The following CDK10 variants were observed in gnomAD, a reference collection of about 807,000 sequenced individuals.
CDK10 encodes the protein cyclin-dependent kinase 10.
In CDK10, 55 loss-of-function variants were observed where a neutral mutation model predicts 51.0. That is an observed-to-expected ratio of 1.08 (90% confidence interval 0.87 to 1.35). The LOEUF (loss-of-function observed/expected upper bound fraction) is 1.35. Ranked by LOEUF, CDK10 falls within the 40% of genes most tolerant of loss-of-function variation. The probability of loss-of-function intolerance (pLI) is 0.00; values close to 1 mark genes in which losing one functional copy is unlikely to be tolerated. For synonymous variants in CDK10, 255 were observed against 199.1 expected (o/e 1.28, Z -2.36); for missense variants, 589 against 485.1 (o/e 1.21, Z -2.01).
Position 89,690,644 on chromosome 16 carries a change from G to A in CDK10, c.232+20G>A. ...AGGATGGTGAGCAGGAAATTGGGGT[G>A]TTGGGACCTCGCACTGGGAGGAGGC... On this transcript the variant is annotated intron_variant, in intron 3 of 12. Coordinates refer to ENST00000353379, the MANE Select transcript of CDK10 (RefSeq NM_052988.5). The A allele has an allele frequency of 6.2e-7, 1 of 1,604,110 alleles. No homozygotes were observed. Among genetic ancestry groups the A allele is most frequent in the Non-Finnish European group, 8.5e-7 (1 of 1,170,880 alleles).
intron 3 of CDK10, 109 bp downstream of exon 3, chr16:89,690,733 G>A: frequency 1.1e-6 from 1 of 945,732 alleles, no homozygotes; most frequent in Non-Finnish European, 1.7e-6. Context: ...GCGGGGGCCG[G>A]CCTCTGGGAG....
chr16:89,692,160 A>C (rs1440385950), intron 5 of CDK10: 3 of 551,880 alleles, frequency 5.4e-6, no homozygotes. Context: ...TTCTGAGGGC[A>C]CTGGTTTCCT....
At chr16:89,694,044 G>C in intron 8 of CDK10, 129 bp from the exon 9 acceptor site, 2 of 860,970 alleles carry the variant, frequency 2.3e-6, no homozygotes, top group Non-Finnish European at 3.9e-6. Flanking sequence ...GCAGGGCCTG[G>C]GGCAGAGGGT....
At chr16:89,688,936 A>G (rs1057022069) in intron 1 of CDK10, among the ~76,000 whole-genome samples, 11 of 152,268 alleles carry the variant, frequency 7.2e-5, no homozygotes, top group Admixed American at 5.9e-4. Context: ...CCCAGTCTCT[A>G]CTAAAAATAG....
chr16:89,693,310 G>A lies in CDK10; in HGVS notation c.522G>A (p.Lys174=). 2 of 1,614,160 alleles carry A rather than the reference G, an allele frequency of 1.2e-6. No homozygotes were observed. The highest frequency in any genetic ancestry group is 8.5e-7 in the Non-Finnish European group (1 of 1,180,032). Residue 174 remains lysine (K), a synonymous_variant, in exon 7 of 13, where the codon AAG becomes AAA. Transcript: ENST00000353379. Reference sequence around the variant, plus strand: ...TTTCCAACTTGCTCATGACCGACAAGGGTTGTGTGAAGACAGGTGGGTGCA... The same window carrying A: ...TTTCCAACTTGCTCATGACCGACAAAGGTTGTGTGAAGACAGGTGGGTGCA... ...LKVSNLLMTD[K]GCVKTADFGL...
intron 8 of CDK10, 36 bp from the exon 9 acceptor site, chr16:89,694,137 A>G (rs770870597): frequency 1.3e-6 from 2 of 1,599,056 alleles, no homozygotes; most frequent in Non-Finnish European, 1.7e-6. Flanking sequence ...GGGGGAGAGG[A>G]GCCGGCTGTA....
chr16:89,686,714 G>A lies in CDK10; in HGVS notation c.4G>A (p.Ala2Thr), dbSNP rs372094248. The change falls in exon 1 of 13, where the codon GCG becomes ACG. Residue 2 changes from alanine (A) to threonine (T), a missense_variant. Physicochemically the swap from Ala to Thr is moderately conservative, Grantham distance 58. Transcript: ENST00000353379. M[A>T]EPDLECEQIR... ...AGAGGCGGGGCCAGCGCTCGGCATG[G>A]CGGAGCCAGATCTGGAGTGCGAGCA... The A allele has an allele frequency of 3.1e-5, 50 of 1,599,376 alleles. No homozygotes were observed. In the African/African-American group the frequency reaches 5.5e-4, roughly 18 times the overall value.
At chr16:89,691,617 C>G (rs940067880) in intron 4 of CDK10, 72 bp downstream of exon 4, 2 of 1,363,932 alleles carry the variant, frequency 1.5e-6, no homozygotes, top group Non-Finnish European at 2.1e-6. Flanking sequence ...TTGCACAGAG[C>G]GAGGACTGAG....
chr16:89,688,921 T>G (rs2060320629), intron 1 of CDK10, among the ~76,000 whole-genome samples: 1 of 152,102 alleles, frequency 6.6e-6, no homozygotes, highest in Non-Finnish European at 1.5e-5. Context: ...GCCAACATGG[T>G]GAAACCCAGT....
At chr16:89,693,360 A>G (rs546102629) in intron 7 of CDK10, 34 bp downstream of exon 7, 39 of 1,613,908 alleles carry the variant, frequency 2.4e-5, no homozygotes, top group South Asian at 5.5e-5. Flanking sequence ...CTGTCCCTAG[A>G]TGGCACTTGG....
intron 6 of CDK10, 28 bp downstream of exon 6, chr16:89,692,544 G>A (rs1224714637): frequency 3.2e-6 from 5 of 1,544,720 alleles, no homozygotes; most frequent in African/African-American, 1.4e-5. Flanking sequence ...AGAGTTGGAA[G>A]CACAAATTCG....
At chr16:89,691,681 C>A in intron 4 of CDK10, 125 bp from the exon 5 acceptor site, 1 of 1,236,242 alleles carries the variant, frequency 8.1e-7, no homozygotes, top group Non-Finnish European at 1.2e-6. Flanking sequence ...CACCGCCTGG[C>A]TCAGCCCATT....
rs2235129 is a variant in CDK10 at position 89,695,183 on chromosome 16, G to C, written c.933-110G>C. ...GGCCCCTCCCCAGGCACAGCCGCTCGGAGTGGCCACCTGGCTTCCTTTGAG... is the reference window on the plus strand; with the variant it reads ...GGCCCCTCCCCAGGCACAGCCGCTCCGAGTGGCCACCTGGCTTCCTTTGAG... On this transcript the variant is annotated intron_variant, in intron 11 of 12. Transcript: ENST00000353379. 15 of 1,537,948 alleles carry C rather than the reference G, an allele frequency of 9.8e-6. No individual in the cohort carries two copies. In the African/African-American group the frequency reaches 1.8e-4, roughly 18 times the overall value.
intron 8 of CDK10, chr16:89,693,855 CAG>C (rs1461074916): frequency 1.8e-6 from 1 of 556,812 alleles, no homozygotes; most frequent in African/African-American, 1.9e-5. Context: ...GGCTGAATAT[CAG>C]AGTTGGTCAG....
intron 2 of CDK10, chr16:89,689,594 C>T (rs2060352376): frequency 2.5e-6 from 1 of 405,140 alleles, no homozygotes; most frequent in African/African-American, 2.0e-5. Flanking sequence ...AAATAAAATA[C>T]AGAACTTTCC....
rs185171164 is a variant in CDK10, at chr16:89,691,675, G to A, written c.335+130G>A. The A allele has an allele frequency of 2.6e-5, 31 of 1,198,934 alleles. No homozygotes were observed. The South Asian group carries it at 3.6e-4, about 14-fold the overall frequency. The allele number at this position is 1,198,934 out of a possible 1,614,324, so 74.3% of individuals were successfully genotyped here. ...AGAGAAGAGATGACCCCACCTCACC[G>A]CCTGGCTCAGCCCATTGTCTGAGGG... On this transcript the variant is annotated intron_variant, in intron 4 of 12. Transcript: ENST00000353379.
At chr16:89,686,944 G>A (rs991251114) in intron 1 of CDK10, 147 bp downstream of exon 1, 78 of 659,960 alleles carry the variant, frequency 1.2e-4, no homozygotes, top group Non-Finnish European at 1.9e-4. Context: ...GGCGGGGGCG[G>A]AAGCCGGGGC....
intron 1 of CDK10, chr16:89,687,369 T>G: frequency 4.6e-6 from 2 of 430,482 alleles, no homozygotes; most frequent in Non-Finnish European, 4.8e-6. Context: ...GCCCTGAACT[T>G]TGGCCGCTGG....
In CDK10 at chr16:89,695,691, G is replaced by C; in HGVS notation, c.1082G>C (p.Ter361SerextTer45). The change falls in exon 13 of 13, where the codon TGA becomes TCA. Residue 361 changes from the stop codon to serine (S), a stop_lost. Coordinates refer to ENST00000353379, the MANE Select transcript of CDK10 (RefSeq NM_052988.5). ...GGCCAGAGCAAGCGCTGTAAACCCT[G>C]ACGGTGGGCCTGGCACACGCCTGTA... ...SEGQSKRCKP[*>S] 1 of 1,595,500 alleles carries C rather than the reference G, an allele frequency of 6.3e-7. No individual in the cohort carries two copies. The highest frequency in any genetic ancestry group is 8.5e-7 in the Non-Finnish European group (1 of 1,173,322).
Sources: allele counts gnomAD v4.1 joint callset (sites outside exome capture counted in the v4.1 genomes callset), GRCh38; gene constraint gnomAD v4.1.1; transcripts MANE v1.5; gene names NCBI Gene and HGNC (gene_info 2026-07-23, HGNC 2026-07-21).